The following MYRIP variants were observed in gnomAD, a reference collection of about 807,000 sequenced individuals.
The protein encoded by MYRIP is rab effector MyRIP.
MYRIP carries 49 observed loss-of-function variants against 98.0 expected under a neutral mutation model. The ratio of observed to expected loss-of-function variants is 0.50; its 90% CI spans 0.40 to 0.63. The LOEUF is 0.63. Among genes scored for constraint, MYRIP ranks in the 30% least tolerant of loss-of-function variants. The pLI, the probability that MYRIP is intolerant of heterozygous loss-of-function variation, is 0.00. For missense variants in MYRIP, 1,004 were observed against 1,058.2 expected (o/e 0.95, Z 0.71); for synonymous variants, 404 against 409.5 (o/e 0.99, Z 0.16).
rs192091048 is a variant in MYRIP at position 39,983,102 on chromosome 3, A to T, written c.111-60948A>T. On this transcript the variant is annotated intron_variant, in intron 2 of 16. Transcript: ENST00000302541. ...TTTTGATGAGGCTTAATCCATAACC[A>T]AATACTGTGGCCAAATATAAACTTG... 2.6e-5 allele frequency among the ~76,000 whole-genome samples: 4 copies of T among 152,364 alleles called. No homozygotes were observed. In the East Asian group the frequency reaches 7.7e-4, roughly 29 times the overall value.
chr3:40,126,944 G>A (rs1196382493), intron 3 of MYRIP, among the ~76,000 whole-genome samples: 1 of 152,158 alleles, frequency 6.6e-6, no homozygotes, highest in African/African-American at 2.4e-5. Context: ...CAGCAGGCAG[G>A]AGACAGTGCA....
chr3:39,941,487 G>A (rs1944782930), intron 2 of MYRIP, among the ~76,000 whole-genome samples: 1 of 147,546 alleles, frequency 6.8e-6, no homozygotes, highest in Middle Eastern at 3.4e-3. Context: ...TTTTAAAAAT[G>A]TATGTGTGTG....
At chr3:40,218,588 C>CAT (rs1455599858) in intron 11 of MYRIP, among the ~76,000 whole-genome samples, 2 of 4,424 alleles carry the variant, frequency 4.5e-4, no homozygotes, top group Admixed American at 5.3e-3. Context: ...TTTACACACA[C>CAT]ACACACACAC....
chr3:40,073,481 G>A (rs1162611631), intron 3 of MYRIP, among the ~76,000 whole-genome samples: 1 of 152,202 alleles, frequency 6.6e-6, no homozygotes, highest in Non-Finnish European at 1.5e-5. Context: ...TCCTGCCGAA[G>A]TTTGTAGGAT....
At chr3:40,117,203 T>A (rs1305310180) in intron 3 of MYRIP, among the ~76,000 whole-genome samples, 1 of 152,204 alleles carries the variant, frequency 6.6e-6, no homozygotes, top group East Asian at 1.9e-4. Context: ...TTAGAAAAAT[T>A]TGATAATTAA....
chr3:39,840,507 C>T (rs1941769159), intron 1 of MYRIP, among the ~76,000 whole-genome samples: 1 of 152,162 alleles, frequency 6.6e-6, no homozygotes. Flanking sequence ...TTTGACCTGT[C>T]ATTATGATAT....
At chr3:39,829,761 T>G (rs915351099) in intron 1 of MYRIP, among the ~76,000 whole-genome samples, 8 of 152,166 alleles carry the variant, frequency 5.3e-5, no homozygotes, top group Admixed American at 4.6e-4. Context: ...TTATATGCAC[T>G]GAGAAACCTA....
chr3:40,154,184 C>T (rs750138172), intron 4 of MYRIP, among the ~76,000 whole-genome samples: 3 of 152,032 alleles, frequency 2.0e-5, no homozygotes, highest in Non-Finnish European at 4.4e-5. Context: ...TTCACACAGT[C>T]TCACGTATCA....
intron 8 of MYRIP, among the ~76,000 whole-genome samples, chr3:40,171,439 G>A (rs1950610337): frequency 6.6e-6 from 1 of 152,120 alleles, no homozygotes. Flanking sequence ...GCAGTTCCTG[G>A]GCTCAGGCTG....
At chr3:40,069,247 A>T (rs1948177710) in intron 3 of MYRIP, among the ~76,000 whole-genome samples, 1 of 152,140 alleles carries the variant, frequency 6.6e-6, no homozygotes, top group Admixed American at 6.5e-5. Context: ...GTTGTACAGA[A>T]GCTACGCACC....
chr3:40,133,934 G>A (rs1461535910), intron 3 of MYRIP, among the ~76,000 whole-genome samples: 2 of 152,148 alleles, frequency 1.3e-5, no homozygotes, highest in Non-Finnish European at 2.9e-5. Flanking sequence ...AACAGTTCCA[G>A]TCTACAGCTC....
At chr3:40,130,073 T>G (rs73827315) in intron 3 of MYRIP, among the ~76,000 whole-genome samples, 1,686 of 152,304 alleles carry the variant, frequency 0.011, 23 homozygotes, top group African/African-American at 0.037. Flanking sequence ...GATTCTTTGA[T>G]TCACGCAGCT....
intron 3 of MYRIP, among the ~76,000 whole-genome samples, chr3:40,045,482 C>A (rs1947652174): frequency 6.6e-6 from 1 of 152,108 alleles, no homozygotes; most frequent in Non-Finnish European, 1.5e-5. Flanking sequence ...AAGGAGGAAA[C>A]TGGGATTATA....
At chr3:39,890,370 C>T (rs1482007192) in intron 1 of MYRIP, among the ~76,000 whole-genome samples, 2 of 152,010 alleles carry the variant, frequency 1.3e-5, no homozygotes, top group Non-Finnish European at 2.9e-5. Context: ...GATATTTCCC[C>T]ATTTCTTCAT....
chr3:40,165,310 T>A (rs1394145540), intron 5 of MYRIP, among the ~76,000 whole-genome samples: 1 of 152,250 alleles, frequency 6.6e-6, no homozygotes, highest in Non-Finnish European at 1.5e-5. Flanking sequence ...AGTGGATTGT[T>A]TAGAGGCTTT....
Position 39,817,540 on chromosome 3 carries a change from T to C in MYRIP, c.-31+7624T>C, listed in dbSNP as rs368371740. ...GGCACATTAAAAACATTTTTTAAAA[T>C]GGTGGAACTAATTTTAATAATATAT... On this transcript the variant is annotated intron_variant, in intron 1 of 16. Transcript: ENST00000302541. Among the ~76,000 whole-genome samples, 14 of 152,324 alleles carry C rather than the reference T, an allele frequency of 9.2e-5. No homozygotes were observed. The East Asian group carries it at 1.9e-3, about 21-fold the overall frequency.
intron 1 of MYRIP, among the ~76,000 whole-genome samples, chr3:39,820,208 T>G (rs911823054): frequency 2.6e-5 from 4 of 152,230 alleles, no homozygotes; most frequent in African/African-American, 9.6e-5. Context: ...CTTCTGACAC[T>G]GAATCCTGGT....
chr3:40,207,906 TTCATCTTTTGAG>T (rs1951827361), intron 10 of MYRIP, among the ~76,000 whole-genome samples: 1 of 152,208 alleles, frequency 6.6e-6, no homozygotes, highest in Non-Finnish European at 1.5e-5. Context: ...CCTCTTTGAA[TTCATCTTTTGAG>T]TCATCTAGTG....
intron 3 of MYRIP, among the ~76,000 whole-genome samples, chr3:40,124,002 G>C (rs765438127): frequency 3.3e-5 from 5 of 152,166 alleles, no homozygotes; most frequent in Non-Finnish European, 5.9e-5. Flanking sequence ...AGGGCTTCCA[G>C]ACAGAGTGCT....
Sources: allele counts gnomAD v4.1 joint callset (sites outside exome capture counted in the v4.1 genomes callset), GRCh38; gene constraint gnomAD v4.1.1; transcripts MANE v1.5; gene names NCBI Gene and HGNC (gene_info 2026-07-23, HGNC 2026-07-21).